PARD3B: variants seen among roughly 807,000 people sequenced by gnomAD.
PARD3B encodes the protein partitioning defective 3 homolog B.
Under a neutral mutation model 130.2 loss-of-function variants are expected in PARD3B, and 103 were observed. That is an observed-to-expected ratio of 0.79 (90% CI 0.67 to 0.93). PARD3B has a LOEUF of 0.93. PARD3B is among the 40% of genes least tolerant of loss of function. The probability of loss-of-function intolerance (pLI) is 0.00; values close to 1 mark genes in which losing one functional copy is unlikely to be tolerated. For missense variants in PARD3B, 1,609 were observed against 1,499.2 expected, an observed-to-expected ratio of 1.07 and a Z score of -1.21; for synonymous variants, 583 against 553.2, an observed-to-expected ratio of 1.05 and a Z score of -0.76.
intron 2 of PARD3B, among the ~76,000 whole-genome samples, chr2:204,703,370 A>G (rs6760377): frequency 0.013 from 2,052 of 152,312 alleles, 54 homozygotes; most frequent in African/African-American, 0.046. Flanking sequence ...ATGTAAAGAT[A>G]AATAAGATGC....
chr2:205,380,158 A>AAGAATATATATTATATAC (rs2045265741), intron 18 of PARD3B, among the ~76,000 whole-genome samples: 1 of 113,476 alleles, frequency 8.8e-6, no homozygotes, highest in Non-Finnish European at 1.7e-5. Context: ...ATATTATATA[A>AAGAATATATATTATATAC]AGAATATATA....
At chr2:204,885,133 A>G (rs1305869039) in intron 2 of PARD3B, among the ~76,000 whole-genome samples, 1 of 152,182 alleles carries the variant, frequency 6.6e-6, no homozygotes, top group Non-Finnish European at 1.5e-5. Flanking sequence ...CAACCTTGCC[A>G]GCATCTGTTG....
intron 2 of PARD3B, among the ~76,000 whole-genome samples, chr2:204,893,618 T>G (rs1350758053): frequency 1.3e-5 from 2 of 152,196 alleles, no homozygotes; most frequent in African/African-American, 2.4e-5. Flanking sequence ...AATAGCATAG[T>G]TTATTTAACT....
chr2:205,255,099 G>A (rs187995505), intron 16 of PARD3B, among the ~76,000 whole-genome samples: 16 of 152,024 alleles, frequency 1.1e-4, no homozygotes, highest in Admixed American at 9.2e-4. Context: ...GTTACTCTCT[G>A]ACCATATTTT....
intron 4 of PARD3B, among the ~76,000 whole-genome samples, chr2:205,089,580 T>C (rs529561515): frequency 5.9e-5 from 9 of 152,214 alleles, no homozygotes; most frequent in Non-Finnish European, 1.3e-4. Flanking sequence ...TCACTGTCCA[T>C]GGCACTTCAG....
intron 2 of PARD3B, among the ~76,000 whole-genome samples, chr2:204,935,293 G>A (rs952522599): frequency 2.0e-5 from 3 of 151,036 alleles, no homozygotes; most frequent in South Asian, 4.2e-4. Flanking sequence ...ACTTTGGGAG[G>A]CCAAGGCGGG....
At chr2:205,548,339 A>AT (rs925301391) in intron 21 of PARD3B, among the ~76,000 whole-genome samples, 1 of 152,108 alleles carries the variant, frequency 6.6e-6, no homozygotes, top group Non-Finnish European at 1.5e-5. Context: ...AGACATCTCC[A>AT]TTGACATGTC....
rs375944042 is a variant in PARD3B, at chr2:205,172,225, A to C, written c.1635A>C (p.Arg545=). ...GGAAFKDGRL[R]MNDQLIAVNG... ...TTCTGCCTTAGGATGGTCGTCTGCG[A>C]ATGAATGACCAGCTGATTGCAGTTA... The change falls in exon 12 of 23, where the codon CGA becomes CGC. Residue 545 remains arginine (R), a synonymous_variant. Coordinates refer to ENST00000406610, the MANE Select transcript of PARD3B (RefSeq NM_001302769.2). 8 of 1,614,040 alleles carry C rather than the reference A, an allele frequency of 5.0e-6. No homozygotes were observed. The highest frequency in any genetic ancestry group is 1.3e-5 in the African/African-American group (1 of 74,924).
At chr2:204,624,809 A>G (rs1020443600) in intron 1 of PARD3B, among the ~76,000 whole-genome samples, 20 of 152,242 alleles carry the variant, frequency 1.3e-4, no homozygotes, top group African/African-American at 4.8e-4. Context: ...TAAACTGTCA[A>G]ACGATTTTCC....
intron 2 of PARD3B, among the ~76,000 whole-genome samples, chr2:204,825,512 G>C (rs1214303948): frequency 6.6e-6 from 1 of 152,146 alleles, no homozygotes; most frequent in African/African-American, 2.4e-5. Context: ...TTCTTCATAG[G>C]AGCTTTGTCA....
chr2:204,595,008 GGTCTACTTTATAAAGTAGACCCTCTCTGA>G (rs2125098561), intron 1 of PARD3B, among the ~76,000 whole-genome samples: 1 of 152,060 alleles, frequency 6.6e-6, no homozygotes, highest in East Asian at 1.9e-4. Context: ...TAGCATCATG[GGTCTACTTTATAAAGTAGACCCTCTCTGA>G]GTTGTTAGCA....
At chr2:204,654,082 C>A (rs12694009) in intron 1 of PARD3B, among the ~76,000 whole-genome samples, 101,116 of 150,912 alleles carry the variant, frequency 0.67, 37,905 homozygotes, top group South Asian at 0.81. Context: ...ATTGTGTGGT[C>A]CTCTTTATCT....
intron 1 of PARD3B, among the ~76,000 whole-genome samples, chr2:204,647,071 C>T (rs1278707765): frequency 1.3e-5 from 2 of 151,884 alleles, no homozygotes; most frequent in Admixed American, 6.6e-5. Context: ...TTTACACCAT[C>T]GTAAAGTCGA....
At position 205,530,186 on chromosome 2, in the gene PARD3B, A is replaced by C. The variant is rs1410134656; in HGVS notation, c.3181-23138A>C. Among the ~76,000 whole-genome samples, 1 of 152,168 alleles carries C rather than the reference A, an allele frequency of 6.6e-6. No individual in the cohort carries two copies. Among genetic ancestry groups the C allele is most frequent in the African/African-American group, 2.4e-5 (1 of 41,430 alleles). Reference sequence around the variant, plus strand: ...TACAGCTGCAACTCGTGAAATAGTAAACCAAAAGTTCTCTCCGCCACATTT... The same window carrying C: ...TACAGCTGCAACTCGTGAAATAGTACACCAAAAGTTCTCTCCGCCACATTT... On this transcript the variant is annotated intron_variant, in intron 21 of 22. Coordinates refer to ENST00000406610, the MANE Select transcript of PARD3B (RefSeq NM_001302769.2). This position sits in a 1 kb window ranked among gnomAD's most constrained non-coding sequence, Gnocchi z 4.7.
intron 2 of PARD3B, among the ~76,000 whole-genome samples, chr2:204,738,820 C>G (rs1574857049): frequency 6.6e-6 from 1 of 152,184 alleles, no homozygotes; most frequent in Non-Finnish European, 1.5e-5. Context: ...CCCTAACTTC[C>G]CCTTCTGCTA....
intron 2 of PARD3B, among the ~76,000 whole-genome samples, chr2:204,782,586 C>T (rs2041877541): frequency 6.6e-6 from 1 of 151,062 alleles, no homozygotes. Flanking sequence ...TACGTAGATA[C>T]ATCTGTGTAT....
At chr2:205,033,660 ATTATC>A (rs980067428) in intron 3 of PARD3B, among the ~76,000 whole-genome samples, 6 of 152,156 alleles carry the variant, frequency 3.9e-5, no homozygotes, top group Non-Finnish European at 5.9e-5. Flanking sequence ...ACACCAATAT[ATTATC>A]TTATATATCT....
At chr2:204,738,790 A>G (rs1291228903) in intron 2 of PARD3B, among the ~76,000 whole-genome samples, 2 of 152,170 alleles carry the variant, frequency 1.3e-5, no homozygotes, top group African/African-American at 2.4e-5. Flanking sequence ...GCAAATGAGC[A>G]ACATCTGATT....
At chr2:204,851,748 T>C (rs1361015450) in intron 2 of PARD3B, among the ~76,000 whole-genome samples, 4 of 149,352 alleles carry the variant, frequency 2.7e-5, no homozygotes, top group Non-Finnish European at 6.0e-5. Context: ...TGACAATCCT[T>C]TTTTTTTTTT....
Sources: allele counts gnomAD v4.1 joint callset (sites outside exome capture counted in the v4.1 genomes callset), GRCh38; gene constraint gnomAD v4.1.1; non-coding constraint Gnocchi (gnomAD v3.1); transcripts MANE v1.5; gene names NCBI Gene and HGNC (gene_info 2026-07-23, HGNC 2026-07-21).